TTC27: variants seen among roughly 807,000 people sequenced by gnomAD.
TTC27 encodes the protein tetratricopeptide repeat protein 27.
A neutral mutation model predicts 115.9 loss-of-function variants in TTC27; 79 were observed. The ratio of observed to expected loss-of-function variants is 0.68; its 90% confidence interval spans 0.57 to 0.82. The LOEUF is 0.82. TTC27 is among the 40% of genes least tolerant of loss of function. The pLI is 0.00. For missense variants in TTC27, 1,054 were observed against 993.1 expected (o/e 1.06, Z -0.82); for synonymous variants, 401 against 356.0 (o/e 1.13, Z -1.42).
At chr2:32,799,739 A>G (rs1670857649) in intron 16 of TTC27, among the ~76,000 whole-genome samples, 1 of 152,232 alleles carries the variant, frequency 6.6e-6, no homozygotes. Flanking sequence ...AATGGAACAG[A>G]ATAGAGAATT....
chr2:32,780,515 C>T lies in TTC27; in HGVS notation c.1780-2111C>T, dbSNP rs143174303. On this transcript the variant is annotated intron_variant, in intron 14 of 19. Transcript: ENST00000317907. ...GGTGCAGTGGTGCAATCTCGGCCTA[C>T]GGCAACCTCCGCCTCCCAGGTTCAA... 3.9e-3 allele frequency among the ~76,000 whole-genome samples: 591 copies of T among 152,294 alleles called. 8 individuals carry two copies. The highest frequency in any genetic ancestry group is 0.014 in the African/African-American group (566 of 41,546).
rs57163235 is a variant in TTC27 at position 32,777,680 on chromosome 2, T to G, written c.1681-202T>G. Among the ~76,000 whole-genome samples the G allele has an allele frequency of 0.059, 9,001 of 152,244 alleles. 433 individuals are homozygous for G. Among genetic ancestry groups the G allele is most frequent in the African/African-American group, 0.14 (5,654 of 41,534 alleles). The stretch of plus-strand genomic sequence containing the variant: ...ATGCAATAATATTGCACTTTTTCAG[T>G]GTTTACATTGAAAATTATATGGAAA... On this transcript the variant is annotated intron_variant, in intron 13 of 19. Coordinates refer to ENST00000317907, the MANE Select transcript of TTC27 (RefSeq NM_017735.5).
intron 5 of TTC27, among the ~76,000 whole-genome samples, chr2:32,660,790 A>G (rs1665518445): frequency 6.6e-6 from 1 of 152,160 alleles, no homozygotes; most frequent in Non-Finnish European, 1.5e-5. Flanking sequence ...TCATTTGTCA[A>G]TTTTGGCTTT....
intron 16 of TTC27, among the ~76,000 whole-genome samples, chr2:32,807,928 C>CTTTTTT (rs70938367): frequency 2.7e-5 from 3 of 109,654 alleles, no homozygotes; most frequent in African/African-American, 3.6e-5. Context: ...TACTTGCCCT[C>CTTTTTT]TTTTTTTTTT....
chr2:32,677,072 G>A (rs577756415), intron 8 of TTC27, among the ~76,000 whole-genome samples: 16 of 152,062 alleles, frequency 1.1e-4, no homozygotes, highest in Admixed American at 3.3e-4. Flanking sequence ...TTAATTTCAT[G>A]TTTTGTATGC....
chr2:32,719,394 T>C (rs1430555649), intron 10 of TTC27, among the ~76,000 whole-genome samples: 1 of 152,186 alleles, frequency 6.6e-6, no homozygotes, highest in East Asian at 1.9e-4. Flanking sequence ...ATAACAGGTA[T>C]TGAGGTTGAC....
intron 12 of TTC27, among the ~76,000 whole-genome samples, chr2:32,750,745 A>C (rs1329211455): frequency 6.6e-6 from 1 of 152,258 alleles, no homozygotes; most frequent in African/African-American, 2.4e-5. Flanking sequence ...TAATTTAACA[A>C]ACCTTGATTT....
intron 9 of TTC27, among the ~76,000 whole-genome samples, chr2:32,682,845 TTG>T (rs1158384394): frequency 0.019 from 721 of 37,932 alleles, 111 homozygotes; most frequent in African/African-American, 0.044. Flanking sequence ...ATTTTTATTG[TTG>T]TTTTTTTTTT....
Position 32,792,664 on chromosome 2 carries a change from TTGCTTCATTC to T in TTC27, c.1998+5517_1998+5526del, listed in dbSNP as rs1403631182. On this transcript the variant is annotated intron_variant, in intron 16 of 19. Coordinates refer to ENST00000317907, the MANE Select transcript of TTC27 (RefSeq NM_017735.5). ...CTAGCCAAGCAGGGGAGGTGGGAAA[TTGCTTCATTC>T]TTGGCCTGGAGCCCTCCTGGTAGTT... is the stretch of plus-strand genomic sequence containing the variant. Among the ~76,000 whole-genome samples, 422 of 152,054 alleles carry T rather than the reference TTGCTTCATTC, an allele frequency of 2.8e-3. 2 individuals carry two copies. Among genetic ancestry groups the T allele is most frequent in the African/African-American group, 9.6e-3 (399 of 41,482 alleles).
chr2:32,763,343 A>G (rs1043451833), intron 13 of TTC27, among the ~76,000 whole-genome samples: 2 of 152,240 alleles, frequency 1.3e-5, no homozygotes, highest in African/African-American at 2.4e-5. Context: ...AAGACCTGCA[A>G]TAAAGGGAAA....
rs1476928584 is a variant in TTC27, at chr2:32,645,790, C to T, written c.538-4341C>T. Among the ~76,000 whole-genome samples the T allele has an allele frequency of 5.3e-5, 8 of 151,710 alleles. No individual in the cohort carries two copies. The South Asian group carries it at 6.2e-4, about 12-fold the overall frequency. ...GGAGTGCAGTGGCGTGATCTCAGCT[C>T]AGTGCAACCTCCGCCTCCCGGGTTC... On this transcript the variant is annotated intron_variant, in intron 4 of 19. Coordinates refer to ENST00000317907, the MANE Select transcript of TTC27 (RefSeq NM_017735.5).
intron 14 of TTC27, chr2:32,780,205 T>C (rs1670129347): frequency 1.1e-5 from 4 of 380,384 alleles, no homozygotes; most frequent in South Asian, 5.9e-5. Context: ...CTTTGTAAAT[T>C]TCCCCAAAAG....
At chr2:32,745,339 A>G (rs906245336) in intron 12 of TTC27, among the ~76,000 whole-genome samples, 1 of 152,138 alleles carries the variant, frequency 6.6e-6, no homozygotes, top group Admixed American at 6.5e-5. Flanking sequence ...TGGCCACAGG[A>G]AGCCCAAGTT....
At chr2:32,704,273 A>G (rs1230842828) in intron 10 of TTC27, among the ~76,000 whole-genome samples, 3 of 151,762 alleles carry the variant, frequency 2.0e-5, no homozygotes. Context: ...TGCAACCTCT[A>G]CCTCTGGGGT....
chr2:32,751,634 G>A lies in TTC27; in HGVS notation c.1453-6658G>A, dbSNP rs115919985. The stretch of plus-strand genomic sequence containing the variant: ...GTGATGATGTTTTGAGTCCCAAAGG[G>A]TTAACATTAAAGAGGTAACCCTAAG... On this transcript the variant is annotated intron_variant, in intron 12 of 19. Coordinates refer to ENST00000317907, the MANE Select transcript of TTC27 (RefSeq NM_017735.5). 3.8e-3 allele frequency among the ~76,000 whole-genome samples: 581 copies of A among 152,246 alleles called. 2 individuals are homozygous for A. Among genetic ancestry groups the A allele is most frequent in the African/African-American group, 0.014 (566 of 41,538 alleles).
intron 16 of TTC27, among the ~76,000 whole-genome samples, chr2:32,801,300 G>A (rs770457132): frequency 1.7e-4 from 26 of 152,186 alleles, no homozygotes; most frequent in Non-Finnish European, 2.9e-4. Flanking sequence ...AGTCAAGTTC[G>A]AAATCAAGGT....
At chr2:32,768,776 A>G (rs1427331323) in intron 13 of TTC27, among the ~76,000 whole-genome samples, 3 of 152,200 alleles carry the variant, frequency 2.0e-5, no homozygotes, top group South Asian at 2.1e-4. Context: ...TTACAGAGGA[A>G]ATTTTCTGGG....
intron 12 of TTC27, among the ~76,000 whole-genome samples, chr2:32,745,324 C>T (rs1280868815): frequency 6.6e-6 from 1 of 152,110 alleles, no homozygotes; most frequent in Non-Finnish European, 1.5e-5. Context: ...CTGAGGCAGA[C>T]ATGATGGCCA....
At position 32,682,844 on chromosome 2, in the gene TTC27, GTTGTTT is replaced by G. The variant is rs1340297921; in HGVS notation, c.1119+3925_1119+3930del. Among the ~76,000 whole-genome samples, 471 of 56,972 alleles carry G rather than the reference GTTGTTT, an allele frequency of 8.3e-3. 38 individuals carry two copies. The highest frequency in any genetic ancestry group is 0.032 in the African/African-American group (431 of 13,292). The allele number at this position is 56,972 out of a possible 152,430, so 37.4% of individuals were successfully genotyped here. A position where few individuals can be genotyped will look rare whatever the true frequency, so the allele number is the denominator to read the frequency against. ...CCACCACACCCGGATAATTTTTATT[GTTGTTT>G]TTTTTTTTTTTTTTTTTTTTGAGAC... On this transcript the variant is annotated intron_variant, in intron 9 of 19. Transcript: ENST00000317907.
Sources: gnomAD v4.1 joint callset for allele counts (sites outside exome capture counted in the v4.1 genomes callset) on GRCh38, gnomAD v4.1.1 for gene constraint, MANE v1.5 for transcripts, NCBI Gene and HGNC (gene_info 2026-07-23, HGNC 2026-07-21) for gene names.